TENM2: variants seen among roughly 807,000 people sequenced by gnomAD.
The protein encoded by TENM2 is teneurin-2.
Under a neutral mutation model 245.2 loss-of-function variants are expected in TENM2, and 52 were observed. That is an observed-to-expected ratio of 0.21 (90% CI 0.17 to 0.27). The LOEUF is 0.27. Among genes scored for constraint, TENM2 ranks in the 10% least tolerant of loss-of-function variants. The pLI is 1.00. For missense variants in TENM2, 3,046 were observed against 3,666.8 expected, an observed-to-expected ratio of 0.83 and a Z score of 4.37; for synonymous variants, 1,363 against 1,438.9, an observed-to-expected ratio of 0.95 and a Z score of 1.19.
chr5:167,365,429 G>A (rs1301531716), intron 1 of TENM2, among the ~76,000 whole-genome samples: 1 of 150,692 alleles, frequency 6.6e-6, no homozygotes, highest in Admixed American at 6.6e-5. Context: ...GATAAGTGCA[G>A]AAATTAGGGA....
At chr5:167,068,974 G>A in the TENM2 span, among the ~76,000 whole-genome samples, 28,390 of 151,952 alleles carry the variant, frequency 0.19, 3,552 homozygotes, top group East Asian at 0.4. Context: ...AAATTCATTC[G>A]TTTGAACTCG....
At chr5:168,235,370 T>C (rs1356159212) in intron 25 of TENM2, among the ~76,000 whole-genome samples, 3 of 152,232 alleles carry the variant, frequency 2.0e-5, no homozygotes, top group Non-Finnish European at 4.4e-5. Context: ...GCAAACAGAT[T>C]AAATAATGTA....
chr5:167,455,778 T>A (rs1317425808), intron 2 of TENM2, among the ~76,000 whole-genome samples: 1 of 152,188 alleles, frequency 6.6e-6, no homozygotes, highest in Non-Finnish European at 1.5e-5. Context: ...ATTATAGTTT[T>A]CAAGCTTGTT....
intron 2 of TENM2, among the ~76,000 whole-genome samples, chr5:167,381,439 G>T (rs1761090091): frequency 6.6e-6 from 1 of 152,160 alleles, no homozygotes; most frequent in South Asian, 2.1e-4. Context: ...TCTACAGGCT[G>T]AATCCAGTTT....
intron 2 of TENM2, among the ~76,000 whole-genome samples, chr5:167,674,172 C>T (rs1756152030): frequency 6.6e-6 from 1 of 152,126 alleles, no homozygotes; most frequent in Admixed American, 6.6e-5. Context: ...TAGCTGCCTC[C>T]AGTCACTCTG....
At chr5:167,121,374 C>T in the TENM2 span, among the ~76,000 whole-genome samples, 2 of 152,106 alleles carry the variant, frequency 1.3e-5, no homozygotes, top group African/African-American at 2.4e-5. Context: ...TTTAGCTGAA[C>T]TTGAATGAGA....
chr5:167,120,324 T>G, the TENM2 span, among the ~76,000 whole-genome samples: 1 of 151,888 alleles, frequency 6.6e-6, no homozygotes, highest in Admixed American at 6.6e-5. Flanking sequence ...AAAAGCTAAA[T>G]AAAAGGCCAA....
intron 2 of TENM2, among the ~76,000 whole-genome samples, chr5:167,663,356 T>C (rs1226118354): frequency 6.6e-6 from 1 of 152,222 alleles, no homozygotes; most frequent in Non-Finnish European, 1.5e-5. Context: ...TAGCCAGTTA[T>C]ACAATTCTAG....
chr5:167,046,465 G>A, the TENM2 span, among the ~76,000 whole-genome samples: 4 of 152,102 alleles, frequency 2.6e-5, no homozygotes, highest in Non-Finnish European at 4.4e-5. Context: ...AAATGGAACG[G>A]GAACAGTCGT....
At chr5:167,813,630 C>G (rs779690638) in intron 2 of TENM2, among the ~76,000 whole-genome samples, 14 of 152,060 alleles carry the variant, frequency 9.2e-5, no homozygotes, top group Non-Finnish European at 1.6e-4. Context: ...CAAATTGAAG[C>G]CTTCAACCAC....
the TENM2 span, among the ~76,000 whole-genome samples, chr5:167,013,279 T>C: frequency 1.3e-5 from 2 of 152,158 alleles, no homozygotes; most frequent in Admixed American, 1.3e-4. Context: ...TTCAATGTCC[T>C]TGACTTCTCT....
At chr5:167,272,036 C>T in the TENM2 span, among the ~76,000 whole-genome samples, 1 of 152,046 alleles carries the variant, frequency 6.6e-6, no homozygotes, top group Non-Finnish European at 1.5e-5. Flanking sequence ...CTTAGAATTA[C>T]CCTTAAGTGT....
At chr5:167,198,866 G>T in the TENM2 span, among the ~76,000 whole-genome samples, 3 of 151,880 alleles carry the variant, frequency 2.0e-5, no homozygotes, top group Admixed American at 1.3e-4. Context: ...AGAAAGGGGG[G>T]ATCGATTTCA....
chr5:167,053,558 G>A, the TENM2 span, among the ~76,000 whole-genome samples: 1 of 152,130 alleles, frequency 6.6e-6, no homozygotes, highest in East Asian at 1.9e-4. Flanking sequence ...GTGTATCCAT[G>A]AACTTTTTCA....
chr5:167,080,258 C>T, the TENM2 span, among the ~76,000 whole-genome samples: 3 of 152,228 alleles, frequency 2.0e-5, no homozygotes, highest in East Asian at 1.9e-4. Context: ...GTCTTCTAGG[C>T]AAATTATCAG....
chr5:167,375,560 G>T, intron 2 of TENM2, 87 bp downstream of exon 4: 1 of 1,349,980 alleles, frequency 7.4e-7, no homozygotes, highest in Non-Finnish European at 1.0e-6. Context: ...ATGAAGCGGC[G>T]TCATAAAACC....
the TENM2 span, among the ~76,000 whole-genome samples, chr5:167,086,058 G>T: frequency 2.0e-5 from 3 of 152,156 alleles, no homozygotes; most frequent in African/African-American, 7.2e-5. Flanking sequence ...TTCTATTCCA[G>T]TTGGGAAGGG....
intron 9 of TENM2, among the ~76,000 whole-genome samples, chr5:168,116,279 C>T (rs1795076469): frequency 6.6e-6 from 1 of 152,130 alleles, no homozygotes; most frequent in Non-Finnish European, 1.5e-5. Flanking sequence ...ACTCATTCTT[C>T]TCCTCTGGTA....
At chr5:167,888,087 G>A (rs1391545426) in intron 3 of TENM2, among the ~76,000 whole-genome samples, 1 of 152,164 alleles carries the variant, frequency 6.6e-6, no homozygotes, top group Non-Finnish European at 1.5e-5. Flanking sequence ...TTTGAATTAA[G>A]TCTGCAAATA....
Sources: gnomAD v4.1 joint callset for allele counts (sites outside exome capture counted in the v4.1 genomes callset) on GRCh38, gnomAD v4.1.1 for gene constraint, MANE v1.5 for transcripts, NCBI Gene and HGNC (gene_info 2026-07-23, HGNC 2026-07-21) for gene names.